The following VOPP1 variants were observed in gnomAD, a reference collection of about 807,000 sequenced individuals.
The protein encoded by VOPP1 is VOPP1 WW domain binding protein, also known as WW domain binding protein VOPP1.
VOPP1 carries 8 observed loss-of-function variants against 23.5 expected under a neutral mutation model. The observed-to-expected ratio is 0.34, with a 90% CI of 0.20 to 0.61. The LOEUF (loss-of-function observed/expected upper bound fraction) is 0.61, where lower values mean the gene tolerates loss of function less well. VOPP1 is among the 20% of genes least tolerant of loss of function. VOPP1 has a pLI of 0.78. For missense variants in VOPP1, 174 were observed against 238.1 expected (o/e 0.73, Z 1.77); for synonymous variants, 83 against 97.3 (o/e 0.85, Z 0.86).
At chr7:55,503,591 C>T (rs1411808440) in intron 2 of VOPP1, among the ~76,000 whole-genome samples, 2 of 152,170 alleles carry the variant, frequency 1.3e-5, no homozygotes, top group Admixed American at 1.3e-4. Flanking sequence ...TCCCCTAGAC[C>T]GGTGTGTTGA....
chr7:55,466,020 G>A (rs1041111645), downstream of VOPP1, among the ~76,000 whole-genome samples: 1 of 152,152 alleles, frequency 6.6e-6, no homozygotes, highest in Admixed American at 6.5e-5. Flanking sequence ...ATGAGGGGGA[G>A]GGAGCCCTCA....
intron 1 of VOPP1, among the ~76,000 whole-genome samples, chr7:55,540,448 T>A (rs1172782618): frequency 4.3e-5 from 6 of 140,252 alleles, no homozygotes; most frequent in Admixed American, 4.2e-4. Context: ...TAAATAAAAA[T>A]AAATGAACTC....
chr7:55,450,173 G>A (rs971238018), intron 4 of VOPP1, among the ~76,000 whole-genome samples: 4 of 152,150 alleles, frequency 2.6e-5, no homozygotes, highest in South Asian at 2.1e-4. Flanking sequence ...TGGAGTCACC[G>A]ACTTGTGGCT....
At chr7:55,473,904 G>A (rs993175413) in intron 4 of VOPP1, among the ~76,000 whole-genome samples, 2 of 152,142 alleles carry the variant, frequency 1.3e-5, no homozygotes, top group Admixed American at 6.5e-5. Context: ...TGAATATTGT[G>A]TAGGGTTTTT....
At chr7:55,461,415 ATTG>A (rs1791498280) in intron 4 of VOPP1, among the ~76,000 whole-genome samples, 1 of 151,970 alleles carries the variant, frequency 6.6e-6, no homozygotes, top group Non-Finnish European at 1.5e-5. Flanking sequence ...CAGCTAGTCC[ATTG>A]TTTTTTTTCT....
intron 4 of VOPP1, among the ~76,000 whole-genome samples, chr7:55,444,117 G>A (rs770863807): frequency 6.6e-6 from 1 of 152,116 alleles, no homozygotes; most frequent in Admixed American, 6.6e-5. Context: ...AGTGACAGCT[G>A]CCGTACCCGG....
chr7:55,524,000 C>T (rs1796025298), intron 1 of VOPP1, among the ~76,000 whole-genome samples: 1 of 152,306 alleles, frequency 6.6e-6, no homozygotes, highest in Non-Finnish European at 1.5e-5. Context: ...ATGACATGAT[C>T]ACACATGTCC....
At chr7:55,531,065 C>T (rs1169268662) in intron 1 of VOPP1, among the ~76,000 whole-genome samples, 1 of 152,178 alleles carries the variant, frequency 6.6e-6, no homozygotes, top group African/African-American at 2.4e-5. Context: ...TTAGAGGTGC[C>T]ATTTTAGGCA....
intron 1 of VOPP1, among the ~76,000 whole-genome samples, chr7:55,531,935 C>A (rs1170688255): frequency 1.3e-5 from 2 of 152,226 alleles, no homozygotes; most frequent in East Asian, 3.8e-4. Flanking sequence ...ATATCAACTT[C>A]TTACCTTTTG....
At chr7:55,448,595 G>T (rs981467473) in intron 4 of VOPP1, among the ~76,000 whole-genome samples, 7 of 149,750 alleles carry the variant, frequency 4.7e-5, no homozygotes, top group Non-Finnish European at 9.0e-5. Context: ...AGGGACTCAG[G>T]CTCCGTCATC....
At chr7:55,474,718 G>A (rs529703577) in intron 4 of VOPP1, among the ~76,000 whole-genome samples, 1 of 152,364 alleles carries the variant, frequency 6.6e-6, no homozygotes, top group African/African-American at 2.4e-5. Flanking sequence ...GAGGGCGGAG[G>A]CAGCTCTGGA....
intron 4 of VOPP1, among the ~76,000 whole-genome samples, chr7:55,438,105 G>A (rs1790876339): frequency 6.6e-6 from 1 of 152,150 alleles, no homozygotes; most frequent in African/African-American, 2.4e-5. Context: ...GTTTCACTAT[G>A]TTGGCCAGGC....
intron 1 of VOPP1, among the ~76,000 whole-genome samples, chr7:55,558,980 T>C (rs1333872545): frequency 6.6e-6 from 1 of 152,194 alleles, no homozygotes; most frequent in East Asian, 1.9e-4. Context: ...CATCCTGCAT[T>C]TCCTTCTGAA....
Position 55,508,816 on chromosome 7 carries a change from ACAGAAGTCTGCCTATGAGCT to A in VOPP1, c.114-11146_114-11127del, listed in dbSNP as rs568321220. 4.5e-4 allele frequency among the ~76,000 whole-genome samples: 69 copies of A among 152,252 alleles called. 1 individual carries two copies. In the East Asian group the frequency reaches 7.1e-3, roughly 16 times the overall value. On this transcript the variant is annotated intron_variant, in intron 2 of 4. Transcript: ENST00000285279. The stretch of plus-strand genomic sequence containing the variant: ...TTCATTTTCCATACTAAAGTGAAAA[ACAGAAGTCTGCCTATGAGCT>A]CAGAAGTCTGCCTATGAGTTCATAG...
intron 4 of VOPP1, among the ~76,000 whole-genome samples, chr7:55,437,897 A>ATT (rs11400741): frequency 0.012 from 1,729 of 142,940 alleles, 29 homozygotes; most frequent in African/African-American, 0.034. Context: ...TCCTGTTTGT[A>ATT]TTTTTTTTTT....
exon 5 of VOPP1, chr7:55,436,101 C>T (rs1248327998): frequency 6.6e-6 from 1 of 152,376 alleles, no homozygotes; most frequent in Non-Finnish European, 1.5e-5. Flanking sequence ...TGGGGGTCAG[C>T]TCAGCCTTGC....
At chr7:55,540,558 A>G (rs1435780300) in intron 1 of VOPP1, among the ~76,000 whole-genome samples, 1 of 152,132 alleles carries the variant, frequency 6.6e-6, no homozygotes, top group Non-Finnish European at 1.5e-5. Flanking sequence ...CGTCACCAAC[A>G]TTGCTGTGCT....
chr7:55,483,069 T>C (rs1792862766), intron 4 of VOPP1, among the ~76,000 whole-genome samples: 3 of 152,228 alleles, frequency 2.0e-5, no homozygotes, highest in Non-Finnish European at 4.4e-5. Context: ...ACTCCGGCTC[T>C]GCAGAGTTCA....
At chr7:55,466,763 G>A (rs1325706990), downstream of VOPP1, among the ~76,000 whole-genome samples, 1 of 152,194 alleles carries the variant, frequency 6.6e-6, no homozygotes, top group Non-Finnish European at 1.5e-5. Context: ...AAAGTGCTGA[G>A]ATTACAAGTG....
Sources: gnomAD v4.1 joint callset for allele counts (sites outside exome capture counted in the v4.1 genomes callset) on GRCh38, gnomAD v4.1.1 for gene constraint, MANE v1.5 for transcripts, NCBI Gene and HGNC (gene_info 2026-07-23, HGNC 2026-07-21) for gene names.